Variants in TLL1 observed in about 807,000 individuals in gnomAD.
The protein encoded by TLL1 is tolloid-like protein 1.
A neutral mutation model predicts 128.2 loss-of-function variants in TLL1; 49 were observed. The ratio of observed to expected loss-of-function variants is 0.38; its 90% CI spans 0.30 to 0.48. The LOEUF (loss-of-function observed/expected upper bound fraction) is 0.48, where lower values mean the gene tolerates loss of function less well. TLL1 is among the 20% of genes least tolerant of loss of function. TLL1 has a pLI of 0.96. For missense variants in TLL1, 1,123 were observed against 1,242.0 expected (o/e 0.90, Z 1.44); for synonymous variants, 454 against 418.8 (o/e 1.08, Z -1.03).
At chr4:166,029,994 G>T (rs1035391313) in intron 9 of TLL1, among the ~76,000 whole-genome samples, 2 of 152,000 alleles carry the variant, frequency 1.3e-5, no homozygotes, top group Non-Finnish European at 2.9e-5. Context: ...CAAGTATTTT[G>T]ATTATCTATC....
At chr4:165,892,873 G>GT (rs1468130947) in intron 1 of TLL1, among the ~76,000 whole-genome samples, 2 of 151,852 alleles carry the variant, frequency 1.3e-5, no homozygotes, top group Admixed American at 6.6e-5. Context: ...TGGTTACAGA[G>GT]TTTTTTTTCT....
chr4:165,989,347 AT>A (rs1736529186), intron 1 of TLL1, 33 bp from the exon 2 acceptor site: 1 of 1,476,790 alleles, frequency 6.8e-7, no homozygotes, highest in African/African-American at 1.4e-5. Flanking sequence ...TCACGGAAAT[AT>A]TTTACATTTT....
intron 1 of TLL1, among the ~76,000 whole-genome samples, chr4:165,914,692 G>A (rs1238438819): frequency 6.6e-6 from 1 of 152,126 alleles, no homozygotes; most frequent in East Asian, 1.9e-4. Flanking sequence ...GGAGTGCGAA[G>A]GTGGATACTG....
chr4:166,041,784 C>G (rs199505418), intron 10 of TLL1, among the ~76,000 whole-genome samples: 1 of 152,062 alleles, frequency 6.6e-6, no homozygotes, highest in African/African-American at 2.4e-5. Context: ...CATATGGTAA[C>G]AATACTGACA....
At chr4:165,879,209 G>A (rs568184033) in intron 1 of TLL1, among the ~76,000 whole-genome samples, 1 of 152,140 alleles carries the variant, frequency 6.6e-6, no homozygotes, top group South Asian at 2.1e-4. Flanking sequence ...AGCTCCCAAA[G>A]TGCTGGCATT....
intron 16 of TLL1, among the ~76,000 whole-genome samples, chr4:166,068,412 A>C (rs537279221): frequency 6.6e-6 from 1 of 151,982 alleles, no homozygotes; most frequent in Non-Finnish European, 1.5e-5. Context: ...TCAGTGTGAT[A>C]ATATATAATC....
chr4:165,946,741 C>T (rs1382442386), intron 1 of TLL1, among the ~76,000 whole-genome samples: 1 of 152,014 alleles, frequency 6.6e-6, no homozygotes, highest in Non-Finnish European at 1.5e-5. Flanking sequence ...GCATGAGTGG[C>T]TTTGGAATCA....
chr4:166,092,635 A>G (rs898350329), intron 19 of TLL1, among the ~76,000 whole-genome samples: 2 of 152,142 alleles, frequency 1.3e-5, no homozygotes, highest in Non-Finnish European at 2.9e-5. Flanking sequence ...CAGATTTTAG[A>G]AAATATCGTC....
intron 16 of TLL1, among the ~76,000 whole-genome samples, chr4:166,069,215 C>A (rs1355205203): frequency 4.0e-5 from 6 of 151,544 alleles, no homozygotes; most frequent in Non-Finnish European, 7.4e-5. Flanking sequence ...TACAGGCAAT[C>A]TAATAAAGAT....
intron 1 of TLL1, among the ~76,000 whole-genome samples, chr4:165,989,142 GA>G (rs1560793665): frequency 1.3e-5 from 2 of 151,912 alleles, no homozygotes; most frequent in African/African-American, 2.4e-5. Flanking sequence ...CTTATTCAAG[GA>G]AACTACTTTC....
At chr4:166,089,188 A>G (rs1487548698) in intron 18 of TLL1, among the ~76,000 whole-genome samples, 1 of 152,160 alleles carries the variant, frequency 6.6e-6, no homozygotes, top group Non-Finnish European at 1.5e-5. Context: ...TCTTGAAATA[A>G]CATTATATTT....
chr4:165,883,210 TTTAAG>T (rs990424507), intron 1 of TLL1, among the ~76,000 whole-genome samples: 3 of 152,202 alleles, frequency 2.0e-5, no homozygotes, highest in African/African-American at 7.2e-5. Flanking sequence ...AGCTGAGTGT[TTTAAG>T]TTAACTTTGT....
chr4:166,071,392 T>C (rs1188198497), intron 16 of TLL1, among the ~76,000 whole-genome samples: 2 of 151,890 alleles, frequency 1.3e-5, no homozygotes, highest in African/African-American at 2.4e-5. Flanking sequence ...CATGAAGGAA[T>C]GGAAAGCAGA....
chr4:165,914,153 A>G (rs549057975), intron 1 of TLL1, among the ~76,000 whole-genome samples: 2 of 152,142 alleles, frequency 1.3e-5, no homozygotes. Context: ...ATTTTTCACA[A>G]TCATTACCTT....
intron 1 of TLL1, among the ~76,000 whole-genome samples, chr4:165,963,036 C>T (rs963992342): frequency 1.1e-4 from 12 of 111,410 alleles, no homozygotes; most frequent in Non-Finnish European, 1.8e-4. Flanking sequence ...GTCTGGGTGA[C>T]AGAGCGAGGC....
Position 165,873,939 on chromosome 4 carries a change from TG to T in TLL1, c.36del (p.Trp13GlyfsTer36). 2 of 1,614,130 alleles carry T rather than the reference TG, an allele frequency of 1.2e-6. No individual in the cohort carries two copies. The highest frequency in any genetic ancestry group is 1.7e-6 in the Non-Finnish European group (2 of 1,180,018). On this transcript the variant is annotated frameshift_variant, in exon 1 of 21. Coordinates refer to ENST00000061240, the MANE Select transcript of TLL1 (RefSeq NM_012464.5). LOFTEE classifies it high-confidence loss of function. ...GGAACGCTTTCCCCGAGGATGCTCG[TG>T]TGGCTGGTGGCCTCGGGGATTGTTT... ...GLGTLSPRML[V>X]WLVASGIVFY...
At chr4:166,053,588 T>C (rs1739858443) in intron 12 of TLL1, among the ~76,000 whole-genome samples, 1 of 152,208 alleles carries the variant, frequency 6.6e-6, no homozygotes, top group Non-Finnish European at 1.5e-5. Flanking sequence ...TTTTTTTGTT[T>C]GTCTTTATAC....
intron 1 of TLL1, among the ~76,000 whole-genome samples, chr4:165,918,015 T>TTTTAGACAAATGGAAATTTTAGTTG (rs1406487641): frequency 1.2e-4 from 19 of 152,286 alleles, no homozygotes; most frequent in African/African-American, 4.6e-4. Flanking sequence ...GAAGATGTAA[T>TTTTAGACAAATGGAAATTTTAGTTG]TTTAGACAAA....
intron 8 of TLL1, among the ~76,000 whole-genome samples, chr4:166,019,072 G>T (rs1007712958): frequency 1.3e-5 from 2 of 152,120 alleles, no homozygotes; most frequent in Non-Finnish European, 2.9e-5. Flanking sequence ...CATCAATGGT[G>T]GGTTGGATTT....
Sources: gnomAD v4.1 joint callset for allele counts (sites outside exome capture counted in the v4.1 genomes callset) on GRCh38, gnomAD v4.1.1 for gene constraint, MANE v1.5 for transcripts, NCBI Gene and HGNC (gene_info 2026-07-23, HGNC 2026-07-21) for gene names.